Variants in POLR2F observed in about 807,000 individuals in gnomAD.
POLR2F encodes the protein DNA-directed RNA polymerases I, II, and III subunit RPABC2.
POLR2F carries 12 observed loss-of-function variants against 22.7 expected under a neutral mutation model. The ratio of observed to expected loss-of-function variants is 0.53; its 90% confidence interval spans 0.34 to 0.86. POLR2F has a LOEUF of 0.86. POLR2F is among the 40% of genes least tolerant of loss of function. The pLI is 0.02. For synonymous variants in POLR2F, 57 were observed against 66.0 expected, an observed-to-expected ratio of 0.86 and a Z score of 0.66; for missense variants, 126 against 171.5, an observed-to-expected ratio of 0.73 and a Z score of 1.48.
At chr22:37,982,971 T>C (rs117726159), upstream of POLR2F, among the ~76,000 whole-genome samples, 946 of 152,338 alleles carry the variant, frequency 6.2e-3, 3 homozygotes, top group Non-Finnish European at 0.01. Flanking sequence ...CCTTTGGTTC[T>C]TTCCAAGCGT....
intron 1 of POLR2F, among the ~76,000 whole-genome samples, chr22:38,020,161 C>G (rs2084947891): frequency 1.3e-5 from 2 of 151,408 alleles, no homozygotes. Flanking sequence ...TCAGCCTGGG[C>G]AACACAGCGA....
downstream of POLR2F, among the ~76,000 whole-genome samples, chr22:38,027,098 C>T (rs1052225485): frequency 2.0e-5 from 3 of 152,184 alleles, no homozygotes; most frequent in East Asian, 1.9e-4. Flanking sequence ...TGCAGTGTGT[C>T]GTGGAGTGCG....
rs1555936296 is a variant in POLR2F, at chr22:37,969,162, C to T, written c.*1447C>T. On this transcript the variant is annotated 3_prime_UTR_variant, in exon 5 of 5. Transcript: ENST00000442738. ...GGAGGAGGGGAATTGGGGGTTAACC[C>T]TTAGGGGATAGAGTGCAAGGGAAAT... 3.0e-6 allele frequency: 3 copies of T among 985,370 alleles called. No individual in the cohort carries two copies. Among genetic ancestry groups the T allele is most frequent in the Middle Eastern group, 5.2e-4 (1 of 1,916 alleles). 61.0% of individuals were successfully genotyped at this position (985,370 alleles called of 1,614,324 possible). A position where few individuals can be genotyped will look rare whatever the true frequency, so the allele number is the denominator to read the frequency against.
intron 1 of POLR2F, among the ~76,000 whole-genome samples, chr22:38,000,571 T>C (rs1172975847): frequency 6.6e-6 from 1 of 152,184 alleles, no homozygotes; most frequent in Non-Finnish European, 1.5e-5. Flanking sequence ...TGACCCTGTG[T>C]TCCTCTGCAG....
upstream of POLR2F, chr22:37,985,991 C>T (rs1006392340): frequency 8.3e-6 from 10 of 1,202,932 alleles, no homozygotes; most frequent in Middle Eastern, 2.9e-4. Flanking sequence ...TTTTCCTCGA[C>T]GCCACCCCCG....
chr22:38,019,903 A>G (rs1405492232), intron 1 of POLR2F, among the ~76,000 whole-genome samples: 1 of 152,096 alleles, frequency 6.6e-6, no homozygotes, highest in African/African-American at 2.4e-5. Flanking sequence ...AATCCCAGCT[A>G]CTCGGGAGGC....
chr22:37,973,774 G>A, downstream of POLR2F: 1 of 1,595,776 alleles, frequency 6.3e-7, no homozygotes, highest in Non-Finnish European at 8.6e-7. Context: ...TCTGTGAGGT[G>A]GATGGCTGGT....
chr22:37,973,856 G>A (rs761741529), downstream of POLR2F: 5 of 1,608,330 alleles, frequency 3.1e-6, no homozygotes, highest in East Asian at 1.1e-4. Context: ...CACACCAGGT[G>A]GTGAGACCGT....
In POLR2F at chr22:37,956,777, G is replaced by A. The variant is rs1931419007; in HGVS notation, c.25G>A (p.Asp9Asn). Residue 9 changes from aspartate (D) to asparagine (N), a missense_variant, in exon 2 of 5, where the codon GAT (aspartate) becomes AAT (asparagine). Transcript: ENST00000442738. ...TGATCTCTTCTTCCTGTACAGTTTT[G>A]ATGGCGACGACTTTGATGATGTGGA... MSDNEDNF[D>N]GDDFDDVEED... 6.2e-7 allele frequency: 1 copy of A among 1,613,476 alleles called. No individual in the cohort carries two copies. The highest frequency in any genetic ancestry group is 1.7e-5 in the Admixed American group (1 of 59,994).
At position 37,978,731 on chromosome 22, in the gene POLR2F, G is replaced by C. The variant is rs1426830764; in HGVS notation, c.293+11561G>C. On this transcript the variant is annotated intron_variant, in intron 4 of 4. Transcript: ENST00000405557. This position sits in a 1 kb window ranked among gnomAD's most constrained non-coding sequence, Gnocchi z 5.0. ...ATGGATGTGAGATGCCTTGCACCAG[G>C]GCCTGGGAAGCGGGCTGAGCACCTT... 3.9e-5 allele frequency among the ~76,000 whole-genome samples: 6 copies of C among 152,128 alleles called. No homozygotes were observed. The highest frequency in any genetic ancestry group is 1.3e-4 in the Admixed American group (2 of 15,274).
downstream of POLR2F, among the ~76,000 whole-genome samples, chr22:38,027,108 G>A (rs1026259266): frequency 2.6e-5 from 4 of 152,158 alleles, no homozygotes; most frequent in Admixed American, 6.5e-5. Flanking sequence ...CGTGGAGTGC[G>A]AGATGGCATA....
chr22:38,025,601 A>G (rs779843947), intron 1 of POLR2F: 6 of 1,528,310 alleles, frequency 3.9e-6, no homozygotes, highest in Non-Finnish European at 5.3e-6. Flanking sequence ...GCTGGAATAC[A>G]CAGTGCTGAG....
chr22:37,983,214 C>T (rs1932454485), upstream of POLR2F: 5 of 1,000,736 alleles, frequency 5.0e-6, no homozygotes, highest in South Asian at 2.8e-5. The surrounding 1 kb of genome is among the most constrained non-coding windows in gnomAD (Gnocchi z 9.5). Flanking sequence ...GCGGGCGCGG[C>T]CCCCACACCT....
chr22:37,982,414 T>C (rs1266136112), upstream of POLR2F, among the ~76,000 whole-genome samples: 2 of 152,124 alleles, frequency 1.3e-5, no homozygotes, highest in East Asian at 3.9e-4. Flanking sequence ...GGGGACTGTC[T>C]TGTTCCACAC....
chr22:37,999,786 T>G (rs548403643), intron 1 of POLR2F, among the ~76,000 whole-genome samples: 1 of 152,262 alleles, frequency 6.6e-6, no homozygotes, highest in East Asian at 1.9e-4. Context: ...GGTCATGTCA[T>G]AACTGGCAGG....
At position 38,016,588 on chromosome 22, in the gene POLR2F, C is replaced by T. The variant is rs905492886; in HGVS notation, c.121-9281C>T. Among the ~76,000 whole-genome samples the T allele has an allele frequency of 3.3e-5, 5 of 152,318 alleles. No individual in the cohort carries two copies. The highest frequency in any genetic ancestry group is 2.1e-4 in the South Asian group (1 of 4,828). On this transcript the variant is annotated intron_variant, in intron 1 of 2. Coordinates refer to the POLR2F transcript ENST00000333418. The surrounding 1 kb of genome is among the most constrained non-coding windows in gnomAD (Gnocchi z 4.4). ...GGGGCTTAGAAGCAGCTGCGCGCGA[C>T]GTTGACATTGTTCCCACCATTCTAA...
At chr22:37,991,760 T>C (rs1190677024) in intron 1 of POLR2F, among the ~76,000 whole-genome samples, 1 of 152,164 alleles carries the variant, frequency 6.6e-6, no homozygotes, top group Non-Finnish European at 1.5e-5. Context: ...AGGTGACTAC[T>C]CAGTGTCAGG....
At chr22:37,982,913 CT>C (rs1159323714), upstream of POLR2F, among the ~76,000 whole-genome samples, 3 of 152,212 alleles carry the variant, frequency 2.0e-5, no homozygotes, top group African/African-American at 7.2e-5. Context: ...TAAACCTCCC[CT>C]GAGTTCTCCA....
chr22:38,025,988 G>C (rs1429083343), exon 2 of POLR2F: 1 of 576,530 alleles, frequency 1.7e-6, no homozygotes, highest in South Asian at 1.4e-5. Context: ...GTGCTCCTCA[G>C]AGGGCCCTGG....
Sources: allele counts gnomAD v4.1 joint callset (sites outside exome capture counted in the v4.1 genomes callset), GRCh38; gene constraint gnomAD v4.1.1; non-coding constraint Gnocchi (gnomAD v3.1); transcripts MANE v1.5; gene names NCBI Gene and HGNC (gene_info 2026-07-23, HGNC 2026-07-21).